Variants in ANK3 observed in about 807,000 individuals in gnomAD.
ANK3 encodes the protein ankyrin 3, also known as ankyrin-3.
Under a neutral mutation model 370.9 loss-of-function variants are expected in ANK3, and 57 were observed. The ratio of observed to expected loss-of-function variants is 0.15; its 90% confidence interval spans 0.12 to 0.19. The LOEUF is 0.19. Ranked by LOEUF, ANK3 falls within the 10% of genes least tolerant of loss-of-function variation. The pLI is 1.00. For synonymous variants in ANK3, 1,929 were observed against 1,946.3 expected, an observed-to-expected ratio of 0.99 and a Z score of 0.23; for missense variants, 4,439 against 5,302.1, an observed-to-expected ratio of 0.84 and a Z score of 5.06.
At chr10:60,064,084 C>G in intron 39 of ANK3, 73 bp downstream of exon 39, 1 of 1,371,588 alleles carries the variant, frequency 7.3e-7, no homozygotes, top group Non-Finnish European at 9.7e-7. Flanking sequence ...CTTGGATGAA[C>G]CTAACAGTTG....
chr10:60,496,747 A>C (rs947172662), intron 2 of ANK3, among the ~76,000 whole-genome samples: 1 of 151,488 alleles, frequency 6.6e-6, no homozygotes, highest in Non-Finnish European at 1.5e-5. Flanking sequence ...AAAAAAAAAA[A>C]AAAGATCACC....
chr10:60,686,267 A>G (rs1240134280), intron 1 of ANK3, among the ~76,000 whole-genome samples: 1 of 152,158 alleles, frequency 6.6e-6, no homozygotes, highest in Non-Finnish European at 1.5e-5. Flanking sequence ...AATTGAAATA[A>G]CACTAAATAT....
intron 1 of ANK3, among the ~76,000 whole-genome samples, chr10:60,338,702 C>A (rs577963528): frequency 5.3e-5 from 8 of 152,240 alleles, no homozygotes. Context: ...GAAAGTTCTC[C>A]CCTTTGATAA....
intron 18 of ANK3, 24 bp downstream of exon 18, chr10:60,181,305 G>A (rs1170651887): frequency 1.2e-5 from 19 of 1,601,628 alleles, no homozygotes; most frequent in East Asian, 6.7e-5. Context: ...ATTCTTTTCC[G>A]TGTGGCAAGG....
chr10:60,653,010 C>T (rs1012484063), intron 1 of ANK3, among the ~76,000 whole-genome samples: 3 of 151,968 alleles, frequency 2.0e-5, no homozygotes, highest in Non-Finnish European at 4.4e-5. Context: ...ATCTTTTCTT[C>T]GGTTGTCTTG....
chr10:60,514,318 T>G (rs1164353929), intron 2 of ANK3, among the ~76,000 whole-genome samples: 1 of 151,966 alleles, frequency 6.6e-6, no homozygotes. Context: ...AGCAGATGGA[T>G]AAAATAAAAA....
chr10:60,625,739 G>A (rs1595360959), intron 1 of ANK3, among the ~76,000 whole-genome samples: 1 of 152,138 alleles, frequency 6.6e-6, no homozygotes, highest in African/African-American at 2.4e-5. Context: ...TATTTGCCGT[G>A]ATACTAGAAG....
intron 28 of ANK3, among the ~76,000 whole-genome samples, chr10:60,100,234 G>GTTTTTTTTTTTTGTTTTTTTT (rs2090970626): frequency 1.7e-5 from 1 of 57,896 alleles, no homozygotes; most frequent in Non-Finnish European, 2.8e-5. Flanking sequence ...TTTTGCTATG[G>GTTTTTTTTTTTTGTTTTTTTT]TTTTTTTTTT....
At chr10:60,489,540 G>A (rs769949137) in intron 2 of ANK3, among the ~76,000 whole-genome samples, 11 of 152,018 alleles carry the variant, frequency 7.2e-5, no homozygotes, top group Non-Finnish European at 1.2e-4. Context: ...TTAACATTTA[G>A]CACATTTCCT....
At chr10:60,349,117 T>C (rs144898766) in intron 1 of ANK3, among the ~76,000 whole-genome samples, 5 of 152,306 alleles carry the variant, frequency 3.3e-5, no homozygotes, top group African/African-American at 1.2e-4. Context: ...CACAACTTAG[T>C]TGAGCAACAG....
chr10:60,469,499 ATATGGTGG>A (rs2065136718), intron 2 of ANK3, among the ~76,000 whole-genome samples: 5 of 19,910 alleles, frequency 2.5e-4, no homozygotes, highest in African/African-American at 4.5e-4. Flanking sequence ...ATATATATAT[ATATGGTGG>A]TATATATATA....
intron 1 of ANK3, among the ~76,000 whole-genome samples, chr10:60,693,249 G>C: frequency 6.6e-6 from 1 of 152,238 alleles, no homozygotes; most frequent in East Asian, 1.9e-4. Flanking sequence ...GGCTCGCAGG[G>C]TCCTAAGCCC....
At position 60,510,773 on chromosome 10, in the gene ANK3, T is replaced by A. The variant is rs2076059115; in HGVS notation, c.96+104413A>T. 3.9e-5 allele frequency among the ~76,000 whole-genome samples: 6 copies of A among 152,158 alleles called. No individual in the cohort carries two copies. In the South Asian group the frequency reaches 1.2e-3, roughly 32 times the overall value. On this transcript the variant is annotated intron_variant, in intron 2 of 43. Coordinates refer to the ANK3 transcript ENST00000373827. ...AGGTGGAGGTTGTAGTGAACTGATA[T>A]CGCATCATTACACTCCAGCCTGGGC...
chr10:60,347,683 C>CT (rs2055911674), intron 1 of ANK3, among the ~76,000 whole-genome samples: 1 of 152,076 alleles, frequency 6.6e-6, no homozygotes, highest in Middle Eastern at 3.4e-3. Context: ...AAATCTATTG[C>CT]TTTTTTCTTA....
chr10:60,386,533 T>G (rs1313585353), intron 1 of ANK3, among the ~76,000 whole-genome samples: 1 of 151,826 alleles, frequency 6.6e-6, no homozygotes, highest in East Asian at 1.9e-4. Flanking sequence ...AGAAGTTCTG[T>G]ACTGCTTTTT....
At chr10:60,431,522 G>A (rs112722797) in intron 2 of ANK3, among the ~76,000 whole-genome samples, 1,602 of 152,170 alleles carry the variant, frequency 0.011, 32 homozygotes, top group African/African-American at 0.037. Context: ...AAGGACCCCC[G>A]AAGTAAAGTA....
intron 2 of ANK3, among the ~76,000 whole-genome samples, chr10:60,418,304 C>T (rs1594988712): frequency 6.6e-6 from 1 of 152,168 alleles, no homozygotes; most frequent in Non-Finnish European, 1.5e-5. Flanking sequence ...GTTCCCATTG[C>T]TTCTGCCTGG....
At chr10:60,340,880 A>T (rs1169059755) in intron 1 of ANK3, among the ~76,000 whole-genome samples, 1 of 152,180 alleles carries the variant, frequency 6.6e-6, no homozygotes, top group Admixed American at 6.5e-5. Context: ...CAATGACTCT[A>T]TGAATTCTAT....
At chr10:60,728,336 G>A (rs975053514) in intron 1 of ANK3, among the ~76,000 whole-genome samples, 10 of 152,112 alleles carry the variant, frequency 6.6e-5, no homozygotes, top group Admixed American at 1.3e-4. Flanking sequence ...ACCACTTCCT[G>A]TTGGAACTAA....
Sources: gnomAD v4.1 joint callset for allele counts (sites outside exome capture counted in the v4.1 genomes callset) on GRCh38, gnomAD v4.1.1 for gene constraint, MANE v1.5 for transcripts, NCBI Gene and HGNC (gene_info 2026-07-23, HGNC 2026-07-21) for gene names.